Variants in LAMA3 observed in about 807,000 individuals in gnomAD.
LAMA3 encodes the protein laminin subunit alpha 3, also known as laminin subunit alpha-3.
A neutral mutation model predicts 402.0 loss-of-function variants in LAMA3; 281 were observed. The observed-to-expected ratio is 0.70, with a 90% CI of 0.63 to 0.77. The LOEUF is 0.77. LAMA3 is among the 30% of genes least tolerant of loss of function. The probability of loss-of-function intolerance (pLI) is 0.00; values close to 1 mark genes in which losing one functional copy is unlikely to be tolerated. For missense variants in LAMA3, 3,840 were observed against 4,215.5 expected, an observed-to-expected ratio of 0.91 and a Z score of 2.47; for synonymous variants, 1,431 against 1,558.4, an observed-to-expected ratio of 0.92 and a Z score of 1.93.
chr18:23,764,345 T>C (rs2062033275), intron 8 of LAMA3, among the ~76,000 whole-genome samples: 1 of 152,214 alleles, frequency 6.6e-6, no homozygotes, highest in South Asian at 2.1e-4. Flanking sequence ...TATGTATAAG[T>C]GAGAAATCCC....
intron 1 of LAMA3, among the ~76,000 whole-genome samples, chr18:23,704,816 T>C (rs1299226151): frequency 2.0e-5 from 3 of 152,206 alleles, no homozygotes; most frequent in South Asian, 2.1e-4. Context: ...TCTAGCTTCT[T>C]GGAGGAATAT....
intron 32 of LAMA3, among the ~76,000 whole-genome samples, chr18:23,854,432 G>A (rs2064018382): frequency 6.6e-6 from 1 of 151,978 alleles, no homozygotes; most frequent in Admixed American, 6.5e-5. Context: ...ACGAGGTCAG[G>A]AGATCGAGAC....
intron 35 of LAMA3, among the ~76,000 whole-genome samples, chr18:23,863,493 A>C (rs967406457): frequency 1.3e-5 from 2 of 152,210 alleles, no homozygotes; most frequent in African/African-American, 4.8e-5. Flanking sequence ...CCACCTCTTG[A>C]AGGCAGGAGT....
rs756213586 is a variant in LAMA3 at position 23,845,097 on chromosome 18, A to G, written c.3692A>G (p.Asn1231Ser). 62 of 1,610,076 alleles carry G rather than the reference A, an allele frequency of 3.9e-5. No individual in the cohort carries two copies. Among genetic ancestry groups the G allele is most frequent in the Non-Finnish European group, 4.2e-5 (49 of 1,176,400 alleles). The stretch of plus-strand genomic sequence containing the variant: ...GACAAGTCACTCGAGTTTATCACCA[A>G]TTGTGGAAAAAACAGCTTTTACCTT... ...SMDKSLEFIT[N>S]CGKNSFYLDP... Residue 1231 changes from asparagine (N) to serine (S), a missense_variant, in exon 30 of 75, where the codon AAT (asparagine) becomes AGT (serine). Physicochemically the swap from Asn to Ser is conservative, Grantham distance 46 (BLOSUM62 1). Around this residue, in one of 3 missense-constraint regions of LAMA3, gnomAD observed 2,109 missense variants for 2,376.0 expected, o/e 0.89. Coordinates refer to ENST00000313654, the MANE Select transcript of LAMA3 (RefSeq NM_198129.4).
intron 74 of LAMA3, among the ~76,000 whole-genome samples, chr18:23,953,325 G>GTTTTT (rs60412950): frequency 2.2e-5 from 3 of 133,984 alleles, no homozygotes; most frequent in Non-Finnish European, 3.2e-5. Flanking sequence ...CTGTAATTTT[G>GTTTTT]TTTTTTTTTT....
intron 32 of LAMA3, among the ~76,000 whole-genome samples, chr18:23,854,456 A>G (rs1336443975): frequency 6.6e-6 from 1 of 152,046 alleles, no homozygotes; most frequent in Admixed American, 6.6e-5. Context: ...CCTGGCTAAC[A>G]TGGTGAAACC....
intron 3 of LAMA3, 44 bp downstream of exon 3, chr18:23,748,104 TG>T: frequency 9.4e-7 from 1 of 1,063,870 alleles, no homozygotes; most frequent in Non-Finnish European, 1.5e-6. Context: ...TTTAATTACT[TG>T]GAACAGATAA....
rs567512081 is a variant in LAMA3, at chr18:23,918,650, G to A, written c.7923+1955G>A. On this transcript the variant is annotated intron_variant, in intron 60 of 74. Coordinates refer to ENST00000313654, the MANE Select transcript of LAMA3 (RefSeq NM_198129.4). This position sits in a 1 kb window ranked among gnomAD's most constrained non-coding sequence, Gnocchi z 4.1. Reference sequence around the variant, plus strand: ...ATCTGCTGGTTGATGGAGAGTTGGCGTGATGTTTGCTGCTTTATACCTATA... The same window carrying A: ...ATCTGCTGGTTGATGGAGAGTTGGCATGATGTTTGCTGCTTTATACCTATA... Among the ~76,000 whole-genome samples, 6 of 152,306 alleles carry A rather than the reference G, an allele frequency of 3.9e-5. No homozygotes were observed. Among genetic ancestry groups the A allele is most frequent in the South Asian group, 2.1e-4 (1 of 4,826 alleles).
intron 2 of LAMA3, among the ~76,000 whole-genome samples, chr18:23,721,215 C>G (rs908239683): frequency 6.6e-6 from 1 of 151,960 alleles, no homozygotes; most frequent in Non-Finnish European, 1.5e-5. Context: ...TACACACATT[C>G]AATTGGTTCT....
At chr18:23,915,203 T>C (rs1280726163) in intron 58 of LAMA3, 86 bp from the exon 59 acceptor site, 2 of 1,420,694 alleles carry the variant, frequency 1.4e-6, no homozygotes, top group East Asian at 4.6e-5. Flanking sequence ...CCTTATGCCA[T>C]AGTGACTGTT....
chr18:23,776,593 T>C (rs2062324421), intron 10 of LAMA3, among the ~76,000 whole-genome samples: 1 of 152,116 alleles, frequency 6.6e-6, no homozygotes. Context: ...ATCAGATGTT[T>C]CCTGGCCCCA....
intron 37 of LAMA3, among the ~76,000 whole-genome samples, chr18:23,869,642 A>G (rs1353541274): frequency 2.0e-5 from 3 of 152,254 alleles, no homozygotes; most frequent in Non-Finnish European, 2.9e-5. Flanking sequence ...GGTGCTGAAC[A>G]CTTTATATAT....
At chr18:23,916,103 T>C (rs2081612184) in intron 59 of LAMA3, among the ~76,000 whole-genome samples, 1 of 151,904 alleles carries the variant, frequency 6.6e-6, no homozygotes, top group Admixed American at 6.6e-5. Flanking sequence ...CATGACTTTT[T>C]TGGTACTCTT....
intron 27 of LAMA3, among the ~76,000 whole-genome samples, chr18:23,841,237 C>T (rs1051003516): frequency 1.3e-5 from 2 of 152,176 alleles, no homozygotes; most frequent in African/African-American, 4.8e-5. Context: ...CCCCCCGAGT[C>T]ATGGGTCTCA....
In LAMA3 at chr18:23,916,616, C is replaced by A; in HGVS notation, c.7844C>A (p.Pro2615Gln). 1 of 1,614,010 alleles carries A rather than the reference C, an allele frequency of 6.2e-7. No homozygotes were observed. The highest frequency in any genetic ancestry group is 8.5e-7 in the Non-Finnish European group (1 of 1,179,896). Reference sequence around the variant, plus strand: ...GGCTATGCTCGAGTTCCAACTCAACCACATGCTCCCATCCCAACCTTTGGA... The same window carrying A: ...GGCTATGCTCGAGTTCCAACTCAACAACATGCTCCCATCCCAACCTTTGGA... ...GTGYARVPTQ[P>Q]HAPIPTFGQT... Residue 2615 changes from proline to glutamine, a missense_variant, in exon 60 of 75, where the codon CCA (proline) becomes CAA (glutamine). By Grantham distance (76) the Pro-to-Gln change is moderately conservative. This residue lies in a region of LAMA3 where 840 missense variants were observed against 981.9 expected (regional missense o/e 0.86). Transcript: ENST00000313654.
intron 12 of LAMA3, among the ~76,000 whole-genome samples, chr18:23,805,781 AGTCACCTTGGTAAAAGGCCATAG>A (rs1294113689): frequency 6.6e-6 from 1 of 152,222 alleles, no homozygotes; most frequent in African/African-American, 2.4e-5. Context: ...GCCAGTGTGT[AGTCACCTTGGTAAAAGGCCATAG>A]GTCCCTTTGG....
At chr18:23,908,409 A>G (rs2081320416) in intron 54 of LAMA3, among the ~76,000 whole-genome samples, 1 of 151,820 alleles carries the variant, frequency 6.6e-6, no homozygotes, top group Non-Finnish European at 1.5e-5. Flanking sequence ...GGGCGCCTGT[A>G]GTCCCAGCTA....
intron 8 of LAMA3, among the ~76,000 whole-genome samples, chr18:23,767,128 TA>T (rs2062092134): frequency 1.3e-5 from 2 of 151,412 alleles, no homozygotes; most frequent in African/African-American, 4.9e-5. Flanking sequence ...AAACAAACAA[TA>T]AAAAAAGCCC....
chr18:23,706,277 T>C (rs946441147), intron 1 of LAMA3, among the ~76,000 whole-genome samples: 21 of 152,216 alleles, frequency 1.4e-4, no homozygotes, highest in African/African-American at 5.1e-4. Flanking sequence ...ACAGTGCTGC[T>C]GTGAATAGTG....
Sources: gnomAD v4.1 joint callset for allele counts (sites outside exome capture counted in the v4.1 genomes callset) on GRCh38, gnomAD v4.1.1 for gene constraint, gnomAD v4.1.1 regional missense constraint, Gnocchi (gnomAD v3.1) non-coding constraint, MANE v1.5 for transcripts, NCBI Gene and HGNC (gene_info 2026-07-23, HGNC 2026-07-21) for gene names.